The following PCDHA6 variants were observed in gnomAD, a reference collection of about 807,000 sequenced individuals.
The protein encoded by PCDHA6 is protocadherin alpha 6.
A neutral mutation model predicts 60.3 loss-of-function variants in PCDHA6; 55 were observed. The observed-to-expected ratio is 0.91, with a 90% CI of 0.73 to 1.14. The LOEUF (loss-of-function observed/expected upper bound fraction) is 1.14, where lower values mean the gene tolerates loss of function less well. PCDHA6 is among the 50% of genes most tolerant of loss of function. The probability of loss-of-function intolerance (pLI) is 0.00; values close to 1 mark genes in which losing one functional copy is unlikely to be tolerated. For missense variants in PCDHA6, 1,327 were observed against 1,256.5 expected, an observed-to-expected ratio of 1.06 and a Z score of -0.85; for synonymous variants, 652 against 557.9, an observed-to-expected ratio of 1.17 and a Z score of -2.38.
intron 1 of PCDHA6, chr5:140,849,385 C>T: frequency 1.3e-6 from 2 of 1,527,726 alleles, no homozygotes; most frequent in South Asian, 2.3e-5. Context: ...CACATGGACC[C>T]CTTAAGTGGG....
At chr5:140,871,134 C>G in intron 1 of PCDHA6, 9 of 1,613,414 alleles carry the variant, frequency 5.6e-6, no homozygotes, top group Non-Finnish European at 6.8e-6. Flanking sequence ...CGCCAAAGGC[C>G]TCTTCCCGGA....
At position 140,830,343 on chromosome 5, in the gene PCDHA6, C is replaced by T. The variant is rs2150185146; in HGVS notation, c.2252C>T (p.Ser751Leu). Residue 751 changes from serine (S) to leucine (L), a missense_variant, in exon 1 of 4, where the codon TCG becomes TTG. Ser to Leu is a moderately radical substitution (Grantham distance 145). Coordinates refer to ENST00000529310, the MANE Select transcript of PCDHA6 (RefSeq NM_018909.4). Reference protein sequence around the residue: ...CSSAVGSWSYSQQRRQRVCSG... With the variant: ...CSSAVGSWSYLQQRRQRVCSG... ...AGCGCAGTGGGGAGCTGGTCGTACT[C>T]GCAGCAGAGGCGGCAGAGGGTGTGC... 6.2e-7 allele frequency: 1 copy of T among 1,614,058 alleles called. No individual in the cohort carries two copies. The highest frequency in any genetic ancestry group is 1.1e-5 in the South Asian group (1 of 91,078).
chr5:140,892,219 A>T (rs1248122428), intron 1 of PCDHA6, among the ~76,000 whole-genome samples: 2 of 152,118 alleles, frequency 1.3e-5, no homozygotes, highest in Non-Finnish European at 2.9e-5. Flanking sequence ...TTGTATCTTT[A>T]TGGTGTTTTG....
chr5:140,946,611 A>AATATATATATAT lies in PCDHA6; in HGVS notation c.2395-32328_2395-32317dup, dbSNP rs1554217734. 3.4e-3 allele frequency among the ~76,000 whole-genome samples: 291 copies of AATATATATATAT among 86,770 alleles called. 7 individuals carry two copies. The highest frequency in any genetic ancestry group is 4.0e-3 in the Non-Finnish European group (186 of 46,640). 56.9% of individuals were successfully genotyped at this position (86,770 alleles called of 152,430 possible). A position where few individuals can be genotyped will look rare whatever the true frequency, so the allele number is the denominator to read the frequency against. On this transcript the variant is annotated intron_variant, in intron 1 of 3. Coordinates refer to ENST00000529310, the MANE Select transcript of PCDHA6 (RefSeq NM_018909.4). ...GGATGAATAGATAAAGAAAATGTGA[A>AATATATATATAT]ATATATATATATATATATATACAAT...
intron 1 of PCDHA6, chr5:140,875,720 T>C (rs1554167893): frequency 1.9e-6 from 3 of 1,614,092 alleles, no homozygotes; most frequent in Non-Finnish European, 1.7e-6. Context: ...CAGAATGGCA[T>C]TTTGTTTGTG....
chr5:141,002,166 G>A (rs1212034616), intron 3 of PCDHA6, among the ~76,000 whole-genome samples: 1 of 152,234 alleles, frequency 6.6e-6, no homozygotes, highest in Non-Finnish European at 1.5e-5. Context: ...TGGGCGGTAG[G>A]CAGGCTCCAG....
At chr5:140,928,240 C>G (rs1174659124) in intron 1 of PCDHA6, 1 of 1,614,108 alleles carries the variant, frequency 6.2e-7, no homozygotes, top group Non-Finnish European at 8.5e-7. Flanking sequence ...TCAACCCCAG[C>G]AGGAACTTTT....
chr5:140,848,313 C>G lies in PCDHA6; in HGVS notation c.2394+17828C>G, dbSNP rs1781433977. ...TGGGCCACGTGATGTCACTCTTTGCCGCGATGTTCTCTCTGAATCCAGACA... is the reference window on the plus strand; with the variant it reads ...TGGGCCACGTGATGTCACTCTTTGCGGCGATGTTCTCTCTGAATCCAGACA... On this transcript the variant is annotated intron_variant, in intron 1 of 3. Transcript: ENST00000529310. 8 of 730,624 alleles carry G rather than the reference C, an allele frequency of 1.1e-5. 1 individual carries two copies. Among genetic ancestry groups the G allele is most frequent in the Non-Finnish European group, 1.8e-5 (8 of 440,500 alleles). The allele number at this position is 730,624 out of a possible 1,614,324, so 45.3% of individuals were successfully genotyped here.
At chr5:140,875,346 T>A in intron 1 of PCDHA6, 1 of 1,443,436 alleles carries the variant, frequency 6.9e-7, no homozygotes, top group Non-Finnish European at 9.1e-7. Flanking sequence ...GACTCCATAA[T>A]GACTGTGATG....
chr5:140,898,040 GT>G (rs1301370622), intron 1 of PCDHA6, among the ~76,000 whole-genome samples: 7 of 151,970 alleles, frequency 4.6e-5, no homozygotes, highest in Non-Finnish European at 8.8e-5. Flanking sequence ...GGGGTTGTTT[GT>G]TTTTTTCTTG....
intron 1 of PCDHA6, chr5:140,926,610 C>A (rs2083401767): frequency 8.5e-6 from 3 of 352,484 alleles, no homozygotes; most frequent in African/African-American, 2.1e-5. Context: ...CTCGTCTCTG[C>A]ACCCCTAGGC....
At chr5:140,896,811 T>G (rs2065758053) in intron 1 of PCDHA6, among the ~76,000 whole-genome samples, 1 of 152,266 alleles carries the variant, frequency 6.6e-6, no homozygotes, top group African/African-American at 2.4e-5. Flanking sequence ...GGTTGTCTGT[T>G]TACTCTGTTC....
At chr5:140,921,202 C>T (rs528515993) in intron 1 of PCDHA6, among the ~76,000 whole-genome samples, 20 of 151,968 alleles carry the variant, frequency 1.3e-4, no homozygotes, top group African/African-American at 3.6e-4. Context: ...AGATTGACAA[C>T]GATAATTCAC....
chr5:140,857,646 A>G lies in PCDHA6; in HGVS notation c.2394+27161A>G, dbSNP rs782060988. 27 of 1,596,264 alleles carry G rather than the reference A, an allele frequency of 1.7e-5. 4 individuals carry two copies. The highest frequency in any genetic ancestry group is 2.2e-5 in the Non-Finnish European group (26 of 1,167,636). Reference sequence around the variant, plus strand: ...GAGGAGCTGGAGCTGCTACAGTTCCAGGTGAGCGCGCGCGATGGGGGCGTG... The same window carrying G: ...GAGGAGCTGGAGCTGCTACAGTTCCGGGTGAGCGCGCGCGATGGGGGCGTG... On this transcript the variant is annotated intron_variant, in intron 1 of 3. Coordinates refer to ENST00000529310, the MANE Select transcript of PCDHA6 (RefSeq NM_018909.4).
chr5:140,870,124 G>A, intron 1 of PCDHA6: 1 of 1,613,940 alleles, frequency 6.2e-7, no homozygotes, highest in Non-Finnish European at 8.5e-7. Context: ...GGAAATCTTG[G>A]ACACCAACGA....
intron 1 of PCDHA6, among the ~76,000 whole-genome samples, chr5:140,946,990 C>T (rs181802680): frequency 2.6e-5 from 4 of 151,580 alleles, no homozygotes; most frequent in African/African-American, 9.7e-5. Context: ...TTTGAGTGTT[C>T]TAACTTCAAA....
intron 1 of PCDHA6, chr5:140,929,069 G>A (rs1554206647): frequency 1.2e-6 from 2 of 1,614,192 alleles, no homozygotes; most frequent in Non-Finnish European, 8.5e-7. Context: ...GAGGATCTGA[G>A]GTATGGAAGT....
At chr5:140,934,245 T>C (rs2089728870) in intron 1 of PCDHA6, among the ~76,000 whole-genome samples, 1 of 152,158 alleles carries the variant, frequency 6.6e-6, no homozygotes, top group Non-Finnish European at 1.5e-5. Context: ...ATTGTGGAGA[T>C]TTATCAAAAT....
At chr5:140,960,279 T>A (rs1220391317) in intron 1 of PCDHA6, among the ~76,000 whole-genome samples, 1 of 152,216 alleles carries the variant, frequency 6.6e-6, no homozygotes, top group African/African-American at 2.4e-5. Flanking sequence ...GTCACCTTTT[T>A]GGGACCCAGT....
Sources: allele counts gnomAD v4.1 joint callset (sites outside exome capture counted in the v4.1 genomes callset), GRCh38; gene constraint gnomAD v4.1.1; transcripts MANE v1.5; gene names NCBI Gene and HGNC (gene_info 2026-07-23, HGNC 2026-07-21).